Variants in ABCA12 observed in about 807,000 individuals in gnomAD.
ABCA12 encodes glucosylceramide transporter ABCA12.
A neutral mutation model predicts 293.5 loss-of-function variants in ABCA12; 156 were observed. The ratio of observed to expected loss-of-function variants is 0.53; its 90% CI spans 0.47 to 0.61. The LOEUF is 0.61. ABCA12 is among the 20% of genes least tolerant of loss of function. The pLI is 0.00. For synonymous variants in ABCA12, 1,063 were observed against 1,108.0 expected (o/e 0.96, Z 0.81); for missense variants, 2,797 against 3,090.2 (o/e 0.91, Z 2.25).
chr2:214,981,744 G>A (rs888094312), intron 30 of ABCA12, among the ~76,000 whole-genome samples: 1 of 138,734 alleles, frequency 7.2e-6, no homozygotes, highest in Non-Finnish European at 1.5e-5. Context: ...ATCATAAACA[G>A]AAAAGTCGTC....
Position 214,949,253 on chromosome 2 carries a change from A to C in ABCA12, c.6853-104T>G, listed in dbSNP as rs935242565. 4 of 850,290 alleles carry C rather than the reference A, an allele frequency of 4.7e-6. No individual in the cohort carries two copies. The African/African-American group carries it at 6.8e-5, about 14-fold the overall frequency. The allele number at this position is 850,290 out of a possible 1,614,324, so 52.7% of individuals were successfully genotyped here. ...CCCTGGGTGAAATAAATTACCGAGA[A>C]AAATAAATCTCTGGAATTATTCATG... is the stretch of plus-strand genomic sequence containing the variant. On this transcript the variant is annotated intron_variant, in intron 45 of 52. Transcript: ENST00000272895.
In ABCA12 at chr2:214,944,482, G is replaced by A. The variant is rs575860348; in HGVS notation, c.7343+519C>T. On this transcript the variant is annotated intron_variant, in intron 49 of 52. Coordinates refer to ENST00000272895, the MANE Select transcript of ABCA12 (RefSeq NM_173076.3). ...ACAGCCAAAGAAGGGGCTTGGAGATGGGAAAGGGTATGGAGATGGGAAGAA... is the reference window on the plus strand; with the variant it reads ...ACAGCCAAAGAAGGGGCTTGGAGATAGGAAAGGGTATGGAGATGGGAAGAA... Among the ~76,000 whole-genome samples the A allele has an allele frequency of 2.6e-5, 4 of 152,080 alleles. No individual in the cohort carries two copies. In the South Asian group the frequency reaches 8.3e-4, roughly 32 times the overall value.
chr2:215,028,440 C>T (rs1700798500), intron 9 of ABCA12, among the ~76,000 whole-genome samples: 1 of 152,186 alleles, frequency 6.6e-6, no homozygotes, highest in African/African-American at 2.4e-5. Flanking sequence ...ATCCATTTTA[C>T]AAGCGCTCAT....
rs571830590 is a variant in ABCA12, at chr2:215,122,840, T to C, written c.70-11150A>G. Among the ~76,000 whole-genome samples, 22 of 152,324 alleles carry C rather than the reference T, an allele frequency of 1.4e-4. No homozygotes were observed. In the South Asian group the frequency reaches 4.3e-3, roughly 30 times the overall value. On this transcript the variant is annotated intron_variant, in intron 1 of 52. Transcript: ENST00000272895. ...GGGGTACATGTGCTTGTTGGTTATA[T>C]GGGTATTACATGTGTAATGGTGAGG...
intron 8 of ABCA12, 59 bp from the exon 9 acceptor site, chr2:215,031,955 C>A: frequency 6.2e-7 from 1 of 1,608,258 alleles, no homozygotes. Flanking sequence ...AGATTTTTTT[C>A]CTCAGTGAAA....
At chr2:215,086,664 C>A (rs1168098725) in intron 2 of ABCA12, among the ~76,000 whole-genome samples, 2 of 152,154 alleles carry the variant, frequency 1.3e-5, no homozygotes, top group Non-Finnish European at 2.9e-5. Context: ...ATGCCCACTG[C>A]TGCTAATGTA....
chr2:215,112,228 G>A (rs1362589740), intron 1 of ABCA12, among the ~76,000 whole-genome samples: 2 of 151,944 alleles, frequency 1.3e-5, no homozygotes, highest in African/African-American at 4.8e-5. Context: ...TTGAGTCAAT[G>A]AGTGAAGAAG....
chr2:214,960,352 G>A (rs766330165), intron 39 of ABCA12: 3 of 152,058 alleles, frequency 2.0e-5, no homozygotes, highest in African/African-American at 7.2e-5. Context: ...TATTATATAG[G>A]TAAGGGAGAA....
intron 34 of ABCA12, 112 bp from the exon 35 acceptor site, chr2:214,974,976 T>C: frequency 1.0e-6 from 1 of 994,616 alleles, no homozygotes; most frequent in South Asian, 1.3e-5. Context: ...TTCTTTTTCT[T>C]TTTTGAGACA....
intron 14 of ABCA12, among the ~76,000 whole-genome samples, chr2:215,016,582 C>A (rs146981374): frequency 4.0e-4 from 12 of 29,924 alleles, no homozygotes; most frequent in South Asian, 3.6e-3. Context: ...GACTCTGTCT[C>A]AAAAAAAAAA....
At chr2:215,114,774 A>C (rs1702651961) in intron 1 of ABCA12, among the ~76,000 whole-genome samples, 1 of 152,238 alleles carries the variant, frequency 6.6e-6, no homozygotes, top group African/African-American at 2.4e-5. Context: ...GTAGACTAGA[A>C]AGAATTAAGG....
chr2:215,136,294 AAT>A (rs1703224617), intron 1 of ABCA12, among the ~76,000 whole-genome samples: 1 of 152,272 alleles, frequency 6.6e-6, no homozygotes, highest in African/African-American at 2.4e-5. Flanking sequence ...ATCTCCCCTA[AAT>A]ATTTCACCAT....
rs1169213815 is a variant in ABCA12 at position 214,938,108 on chromosome 2, C to A, written c.7437-493G>T. Reference sequence around the variant, plus strand: ...CTCCTAATGCTATCCCTCCCCTAGCCCCCCACCCCCCAACAGACCCTGGTG... The same window carrying A: ...CTCCTAATGCTATCCCTCCCCTAGCACCCCACCCCCCAACAGACCCTGGTG... On this transcript the variant is annotated intron_variant, in intron 50 of 52. Coordinates refer to ENST00000272895, the MANE Select transcript of ABCA12 (RefSeq NM_173076.3). Among the ~76,000 whole-genome samples the A allele has an allele frequency of 2.0e-5, 3 of 151,914 alleles. No individual in the cohort carries two copies. The East Asian group carries it at 5.8e-4, about 29-fold the overall frequency.
intron 31 of ABCA12, 111 bp from the exon 32 acceptor site, chr2:214,979,151 G>T: frequency 1.1e-6 from 1 of 948,976 alleles, no homozygotes; most frequent in South Asian, 1.3e-5. Flanking sequence ...CCACACCTGA[G>T]TCAGATCATA....
At chr2:214,990,373 C>T (rs1365484165) in intron 24 of ABCA12, among the ~76,000 whole-genome samples, 1 of 152,152 alleles carries the variant, frequency 6.6e-6, no homozygotes, top group Non-Finnish European at 1.5e-5. Context: ...AATTCCAATA[C>T]TAGAGGCTCC....
chr2:214,945,895 A>G (rs949432578), intron 48 of ABCA12, among the ~76,000 whole-genome samples: 1 of 152,164 alleles, frequency 6.6e-6, no homozygotes, highest in Non-Finnish European at 1.5e-5. Context: ...ATAGAAGTGG[A>G]GAGTAGAATA....
At chr2:215,112,972 A>G (rs1188054561) in intron 1 of ABCA12, among the ~76,000 whole-genome samples, 1 of 152,200 alleles carries the variant, frequency 6.6e-6, no homozygotes, top group African/African-American at 2.4e-5. Flanking sequence ...ATATGCAAAT[A>G]GTTATGGTGC....
At chr2:215,075,403 G>T in intron 2 of ABCA12, 1 of 554,110 alleles carries the variant, frequency 1.8e-6, no homozygotes, top group Non-Finnish European at 3.2e-6. Flanking sequence ...GTTATTGCCC[G>T]GAACTATATA....
chr2:215,063,101 A>T (rs1368311681), intron 3 of ABCA12, among the ~76,000 whole-genome samples: 1 of 151,996 alleles, frequency 6.6e-6, no homozygotes, highest in African/African-American at 2.4e-5. Context: ...ATCAGTGTGA[A>T]TCAGCATCCC....
Sources: gnomAD v4.1 joint callset for allele counts (sites outside exome capture counted in the v4.1 genomes callset) on GRCh38, gnomAD v4.1.1 for gene constraint, MANE v1.5 for transcripts, NCBI Gene and HGNC (gene_info 2026-07-23, HGNC 2026-07-21) for gene names.